The following DIAPH3 variants were observed in gnomAD, a reference collection of about 807,000 sequenced individuals.
DIAPH3 encodes the protein diaphanous related formin 3.
In DIAPH3, 117 loss-of-function variants were observed where a neutral mutation model predicts 144.3. The observed-to-expected ratio is 0.81, with a 90% CI of 0.70 to 0.95. The LOEUF is 0.95. Among genes scored for constraint, DIAPH3 ranks in the 40% least tolerant of loss-of-function variants. The probability of loss-of-function intolerance (pLI) is 0.00; values close to 1 mark genes in which losing one functional copy is unlikely to be tolerated. For missense variants in DIAPH3, 1,421 were observed against 1,412.7 expected (o/e 1.01, Z -0.09); for synonymous variants, 519 against 488.9 (o/e 1.06, Z -0.81).
In DIAPH3 at chr13:59,791,095, C is replaced by A. The variant is rs577665632; in HGVS notation, c.3164-16272G>T. Among the ~76,000 whole-genome samples the A allele has an allele frequency of 7.2e-5, 11 of 152,218 alleles. No homozygotes were observed. The South Asian group carries it at 1.2e-3, about 17-fold the overall frequency. On this transcript the variant is annotated intron_variant, in intron 25 of 27. Transcript: ENST00000400324. ...GGCTCAAAGGATCCTCCTGCTAAAGCCTCCTGAGTACCTGAGACTATACCA... is the reference window on the plus strand; with the variant it reads ...GGCTCAAAGGATCCTCCTGCTAAAGACTCCTGAGTACCTGAGACTATACCA...
At chr13:60,033,446 G>A (rs1450958663) in intron 5 of DIAPH3, among the ~76,000 whole-genome samples, 6 of 152,198 alleles carry the variant, frequency 3.9e-5, no homozygotes, top group South Asian at 2.1e-4. Context: ...TCTGCAGGCT[G>A]CACAGGAAGC....
intron 22 of DIAPH3, among the ~76,000 whole-genome samples, chr13:59,856,972 T>C (rs956275607): frequency 6.6e-6 from 1 of 151,658 alleles, no homozygotes; most frequent in Non-Finnish European, 1.5e-5. Flanking sequence ...AAATAATATA[T>C]CGTACACAAA....
rs1199799863 is a variant in DIAPH3, at chr13:60,015,982, G to A, written c.702C>T (p.Ile234=). The change falls in exon 7 of 28, where the codon ATC becomes ATT. Residue 234 remains isoleucine (I), a splice_region_variant and synonymous_variant. Coordinates refer to ENST00000400324, the MANE Select transcript of DIAPH3 (RefSeq NM_001042517.2). ...DILEKLISGK[I]QEKVVKKNQH... ...GATTTTTCTTTACAACTTTTTCTTG[G>A]CTGTATTGACATAAAAAATAGCAGT... is the stretch of plus-strand genomic sequence containing the variant. The A allele has an allele frequency of 4.3e-6, 7 of 1,612,690 alleles. No homozygotes were observed. Among genetic ancestry groups the A allele is most frequent in the South Asian group, 1.1e-5 (1 of 91,008 alleles).
At chr13:59,911,032 G>T (rs1299296643) in intron 20 of DIAPH3, among the ~76,000 whole-genome samples, 1 of 151,414 alleles carries the variant, frequency 6.6e-6, no homozygotes. Flanking sequence ...AGATGAAAGG[G>T]AAAAAATAAA....
At chr13:59,850,511 T>G (rs956299037) in intron 22 of DIAPH3, among the ~76,000 whole-genome samples, 1 of 151,048 alleles carries the variant, frequency 6.6e-6, no homozygotes, top group African/African-American at 2.4e-5. Context: ...CCTAATTTAT[T>G]GAGAGTTTTT....
intron 27 of DIAPH3, among the ~76,000 whole-genome samples, chr13:59,762,052 C>CTTTTTTTTTTTTTTTTTTTTT (rs35387511): frequency 1.8e-4 from 11 of 59,490 alleles, no homozygotes; most frequent in Non-Finnish European, 2.7e-4. Flanking sequence ...GCGTCAGCAT[C>CTTTTTTTTTTTTTTTTTTTTT]TTTTTTTTTT....
chr13:59,955,551 C>T (rs1163234183), intron 17 of DIAPH3, among the ~76,000 whole-genome samples: 1 of 152,060 alleles, frequency 6.6e-6, no homozygotes, highest in African/African-American at 2.4e-5. Context: ...GCGACTAATA[C>T]AGTAAATTGG....
intron 9 of DIAPH3, among the ~76,000 whole-genome samples, chr13:60,000,907 C>A (rs778646185): frequency 6.6e-6 from 1 of 152,096 alleles, no homozygotes; most frequent in East Asian, 1.9e-4. Context: ...CAAGATAAAA[C>A]CAATGTATAG....
chr13:60,072,428 A>T (rs1451098415), intron 4 of DIAPH3, among the ~76,000 whole-genome samples: 1 of 152,180 alleles, frequency 6.6e-6, no homozygotes, highest in Non-Finnish European at 1.5e-5. Context: ...CTTTACACAC[A>T]TGCACAAGAA....
At chr13:60,007,575 C>G (rs1295362637) in intron 9 of DIAPH3, among the ~76,000 whole-genome samples, 1 of 152,094 alleles carries the variant, frequency 6.6e-6, no homozygotes, top group Non-Finnish European at 1.5e-5. Flanking sequence ...TTAGGATCAC[C>G]TGAGGATCAT....
chr13:59,894,204 G>T (rs2045966381), intron 20 of DIAPH3, among the ~76,000 whole-genome samples: 1 of 152,016 alleles, frequency 6.6e-6, no homozygotes, highest in South Asian at 2.1e-4. Context: ...GAAGGGCCAG[G>T]TCTGTGATCT....
At chr13:59,834,047 C>T (rs2041919272) in intron 23 of DIAPH3, among the ~76,000 whole-genome samples, 1 of 151,684 alleles carries the variant, frequency 6.6e-6, no homozygotes, top group Non-Finnish European at 1.5e-5. Flanking sequence ...ATTATGATTA[C>T]ACACACAGGC....
At chr13:59,732,242 AT>A (rs1321162312) in intron 27 of DIAPH3, among the ~76,000 whole-genome samples, 3 of 93,456 alleles carry the variant, frequency 3.2e-5, no homozygotes, top group African/African-American at 1.0e-4. Context: ...TATCTCAAGT[AT>A]TTTTTTGAGT....
intron 27 of DIAPH3, among the ~76,000 whole-genome samples, chr13:59,767,084 G>T (rs2037897040): frequency 6.6e-6 from 1 of 152,142 alleles, no homozygotes; most frequent in Admixed American, 6.5e-5. Context: ...GTATGACCCA[G>T]ATGAGCCCTG....
chr13:60,094,876 A>G (rs2058058504), intron 3 of DIAPH3, among the ~76,000 whole-genome samples: 1 of 152,230 alleles, frequency 6.6e-6, no homozygotes, highest in South Asian at 2.1e-4. Flanking sequence ...GTAATTGGCA[A>G]TGTCACTTTT....
intron 27 of DIAPH3, among the ~76,000 whole-genome samples, chr13:59,765,490 G>T (rs1224993245): frequency 6.6e-6 from 1 of 152,102 alleles, no homozygotes; most frequent in Non-Finnish European, 1.5e-5. Context: ...TCTTATAGCT[G>T]AGGAAAAGAA....
chr13:59,709,201 T>C (rs553713333), intron 27 of DIAPH3, among the ~76,000 whole-genome samples: 114 of 152,326 alleles, frequency 7.5e-4, no homozygotes, highest in African/African-American at 2.6e-3. Context: ...TAGTTTAACA[T>C]GATTTACTTT....
At chr13:59,762,356 G>A (rs1226677013) in intron 27 of DIAPH3, among the ~76,000 whole-genome samples, 1 of 151,978 alleles carries the variant, frequency 6.6e-6, no homozygotes, top group African/African-American at 2.4e-5. Context: ...CACCGCGCCC[G>A]GCTGCTTCAG....
At chr13:59,909,426 G>C (rs1340446044) in intron 20 of DIAPH3, among the ~76,000 whole-genome samples, 1 of 151,062 alleles carries the variant, frequency 6.6e-6, no homozygotes, top group Non-Finnish European at 1.5e-5. Context: ...CAAAAGTTGA[G>C]AAGTAGTAGC....
Sources: allele counts gnomAD v4.1 joint callset (sites outside exome capture counted in the v4.1 genomes callset), GRCh38; gene constraint gnomAD v4.1.1; transcripts MANE v1.5; gene names NCBI Gene and HGNC (gene_info 2026-07-23, HGNC 2026-07-21).